Variants in SLC5A4 observed in about 807,000 individuals in gnomAD.
SLC5A4 encodes solute carrier family 5 member 4, also known as probable glucose sensor protein SLC5A4.
SLC5A4 carries 55 observed loss-of-function variants against 70.3 expected under a neutral mutation model. That is an observed-to-expected ratio of 0.78 (90% CI 0.63 to 0.98). The LOEUF is 0.98. Ranked by LOEUF, SLC5A4 falls within the 50% of genes least tolerant of loss-of-function variation. The probability of loss-of-function intolerance (pLI) is 0.00; values close to 1 mark genes in which losing one functional copy is unlikely to be tolerated. For missense variants in SLC5A4, 735 were observed against 839.2 expected (o/e 0.88, Z 1.53); for synonymous variants, 268 against 305.7 (o/e 0.88, Z 1.29).
At chr22:32,232,291 G>C (rs941943327) in intron 9 of SLC5A4, among the ~76,000 whole-genome samples, 1 of 152,194 alleles carries the variant, frequency 6.6e-6, no homozygotes, top group Non-Finnish European at 1.5e-5. Flanking sequence ...AGTGGATTCA[G>C]TGTTGTCTGA....
chr22:32,242,933 T>C (rs1926620779), intron 5 of SLC5A4, among the ~76,000 whole-genome samples: 1 of 152,206 alleles, frequency 6.6e-6, no homozygotes, highest in Non-Finnish European at 1.5e-5. Context: ...AAGAACCATT[T>C]ATGAATGCTA....
the SLC5A4 span, among the ~76,000 whole-genome samples, chr22:32,327,819 T>TC: frequency 6.6e-6 from 1 of 152,138 alleles, no homozygotes; most frequent in South Asian, 2.1e-4. Flanking sequence ...TGCAGCAAGG[T>TC]CCCTGGAGCC....
chr22:32,330,131 G>A, the SLC5A4 span, among the ~76,000 whole-genome samples: 2 of 131,680 alleles, frequency 1.5e-5, no homozygotes, highest in Non-Finnish European at 3.2e-5. Flanking sequence ...GCTCTGATGT[G>A]TCAGGGGGGC....
Position 32,224,427 on chromosome 22 carries a change from G to C in SLC5A4, c.1505C>G (p.Thr502Arg), listed in dbSNP as rs1009562359. Residue 502 changes from threonine (T) to arginine (R), a missense_variant, in exon 13 of 15, where the codon ACA (threonine) becomes AGA (arginine). Coordinates refer to ENST00000266086, the MANE Select transcript of SLC5A4 (RefSeq NM_014227.3). ...GLAMGLIRMI[T>R]EFAYGTGSCL... ...ACTCCCTGTTCCATAAGCAAACTCT[G>C]TTATCATACGAATGAGGCCCATTGC... 1 of 1,614,014 alleles carries C rather than the reference G, an allele frequency of 6.2e-7. No homozygotes were observed. Among genetic ancestry groups the C allele is most frequent in the Non-Finnish European group, 8.5e-7 (1 of 1,179,932 alleles).
Position 32,220,918 on chromosome 22 carries a change from AC to A in SLC5A4, c.1768+1del, listed in dbSNP as rs1925037425. On this transcript the variant is annotated splice_donor_variant, in intron 14 of 14. Coordinates refer to ENST00000266086, the MANE Select transcript of SLC5A4 (RefSeq NM_014227.3). LOFTEE classifies it high-confidence loss of function. ...GAAAACCAAATGTAAACCAAATATTACCTTCTTCAACACCATCATCTGTTTC... is the reference window on the plus strand; with the variant it reads ...GAAAACCAAATGTAAACCAAATATTACTTCTTCAACACCATCATCTGTTTC... 6.3e-7 allele frequency: 1 copy of A among 1,591,516 alleles called. No individual in the cohort carries two copies. Among genetic ancestry groups the A allele is most frequent in the Non-Finnish European group, 8.6e-7 (1 of 1,159,348 alleles).
chr22:32,310,693 C>T, the SLC5A4 span, among the ~76,000 whole-genome samples: 2 of 152,262 alleles, frequency 1.3e-5, no homozygotes, highest in Non-Finnish European at 2.9e-5. Context: ...GGGTCTTCCA[C>T]AGCTGACCTG....
the SLC5A4 span, among the ~76,000 whole-genome samples, chr22:32,345,011 T>A: frequency 2.0e-5 from 3 of 152,202 alleles, no homozygotes; most frequent in Non-Finnish European, 4.4e-5. Context: ...CTTTAGTAGC[T>A]AGGACTAAAA....
the SLC5A4 span, among the ~76,000 whole-genome samples, chr22:32,323,403 C>T: frequency 6.6e-6 from 1 of 152,244 alleles, no homozygotes; most frequent in Non-Finnish European, 1.5e-5. Context: ...CCAGACCTCT[C>T]TCTGTTCATT....
chr22:32,246,607 A>C (rs1926844223), intron 5 of SLC5A4, among the ~76,000 whole-genome samples: 2 of 152,132 alleles, frequency 1.3e-5, no homozygotes, highest in Non-Finnish European at 2.9e-5. Context: ...GGCTCACTGC[A>C]ACCTCTGCCT....
the SLC5A4 span, among the ~76,000 whole-genome samples, chr22:32,325,564 A>G: frequency 6.6e-6 from 1 of 152,238 alleles, no homozygotes; most frequent in Non-Finnish European, 1.5e-5. Flanking sequence ...CAAGGCCTTC[A>G]TCTGCCAGAA....
chr22:32,289,689 T>C, the SLC5A4 span, among the ~76,000 whole-genome samples: 1 of 152,242 alleles, frequency 6.6e-6, no homozygotes, highest in African/African-American at 2.4e-5. Context: ...TCCCCAGCCA[T>C]GCGGAACTGT....
At chr22:32,290,411 GT>G in the SLC5A4 span, among the ~76,000 whole-genome samples, 1 of 151,966 alleles carries the variant, frequency 6.6e-6, no homozygotes, top group African/African-American at 2.4e-5. Flanking sequence ...TGTCCCTGGG[GT>G]TTTCTTAGTG....
the SLC5A4 span, among the ~76,000 whole-genome samples, chr22:32,339,010 A>G: frequency 1.3e-5 from 2 of 152,208 alleles, no homozygotes; most frequent in Non-Finnish European, 2.9e-5. Flanking sequence ...CTGTAGGGAA[A>G]TGACTGCATG....
the SLC5A4 span, among the ~76,000 whole-genome samples, chr22:32,331,526 G>A: frequency 2.1e-4 from 32 of 152,076 alleles, no homozygotes; most frequent in African/African-American, 5.1e-4. Context: ...AATGACACAC[G>A]GAAACTTTGT....
At chr22:32,270,586 C>G in the SLC5A4 span, 1 of 732,676 alleles carries the variant, frequency 1.4e-6, no homozygotes, top group Non-Finnish European at 2.5e-6. Context: ...GATCATGGAG[C>G]TGGACACCAG....
At chr22:32,301,443 G>C in the SLC5A4 span, among the ~76,000 whole-genome samples, 1 of 152,084 alleles carries the variant, frequency 6.6e-6, no homozygotes, top group African/African-American at 2.4e-5. Context: ...GTACTTATTT[G>C]CTGTCTGTAT....
chr22:32,251,345 T>C (rs5994512), intron 3 of SLC5A4, among the ~76,000 whole-genome samples: 26,977 of 151,860 alleles, frequency 0.18, 3,003 homozygotes, highest in African/African-American at 0.32. Context: ...GTGATTAGGT[T>C]ATGAGGGCTC....
At chr22:32,314,220 C>T in the SLC5A4 span, among the ~76,000 whole-genome samples, 1 of 152,214 alleles carries the variant, frequency 6.6e-6, no homozygotes, top group East Asian at 1.9e-4. Flanking sequence ...AGGTACTCTC[C>T]ATCACCGACT....
the SLC5A4 span, among the ~76,000 whole-genome samples, chr22:32,275,240 A>G: frequency 6.6e-6 from 1 of 152,178 alleles, no homozygotes; most frequent in Admixed American, 6.5e-5. Flanking sequence ...TTTTTTTATT[A>G]CACTGTAAGT....
Sources: gnomAD v4.1 joint callset for allele counts (sites outside exome capture counted in the v4.1 genomes callset) on GRCh38, gnomAD v4.1.1 for gene constraint, MANE v1.5 for transcripts, NCBI Gene and HGNC (gene_info 2026-07-23, HGNC 2026-07-21) for gene names.